The following CACNA1B variants were observed in gnomAD, a reference collection of about 807,000 sequenced individuals.
The protein encoded by CACNA1B is calcium voltage-gated channel subunit alpha1 B, also known as voltage-dependent N-type calcium channel subunit alpha-1B.
Under a neutral mutation model 247.2 loss-of-function variants are expected in CACNA1B, and 70 were observed. The ratio of observed to expected loss-of-function variants is 0.28; its 90% CI spans 0.23 to 0.35. The LOEUF (loss-of-function observed/expected upper bound fraction) is 0.35, where lower values mean the gene tolerates loss of function less well. Ranked by LOEUF, CACNA1B falls within the 10% of genes least tolerant of loss-of-function variation. The pLI is 1.00. For missense variants in CACNA1B, 2,367 were observed against 3,197.4 expected (o/e 0.74, Z 6.26); for synonymous variants, 1,231 against 1,294.4 (o/e 0.95, Z 1.05).
Position 138,052,245 on chromosome 9 carries a change from TGTGC to T in CACNA1B, c.3807+61_3807+64del, listed in dbSNP as rs1382907426. ...TGCTGTGTGTGTGTGCGTGTGTGTG[TGTGC>T]GTGTGTGTGTGTGTATGCATGCAGT... On this transcript the variant is annotated intron_variant, in intron 25 of 46. Transcript: ENST00000371372. This position sits in a 1 kb window ranked among gnomAD's most constrained non-coding sequence, Gnocchi z 5.1. 4 of 860,040 alleles carry T rather than the reference TGTGC, an allele frequency of 4.7e-6. No homozygotes were observed. Among genetic ancestry groups the T allele is most frequent in the African/African-American group, 2.0e-5 (1 of 50,204 alleles). The allele number at this position is 860,040 out of a possible 1,614,324, so 53.3% of individuals were successfully genotyped here.
intron 21 of CACNA1B, among the ~76,000 whole-genome samples, chr9:138,045,586 T>C (rs967109504): frequency 6.6e-6 from 1 of 152,190 alleles, no homozygotes; most frequent in Non-Finnish European, 1.5e-5. Flanking sequence ...AGACCAGCAG[T>C]GCTGCTGGGG....
intron 31 of CACNA1B, among the ~76,000 whole-genome samples, chr9:138,065,099 A>C (rs1444771238): frequency 5.3e-5 from 8 of 152,208 alleles, no homozygotes; most frequent in Admixed American, 3.9e-4. Flanking sequence ...GCAGCCTGTT[A>C]GCACCTGCTT....
chr9:138,102,919 C>A lies in CACNA1B; in HGVS notation c.5319+112C>A, dbSNP rs906307152. ...TTCAGGGTGCCCGGCTGTCTGTCTG[C>A]CGCTCTGCTGTGCGCCCCCGGCTGC... On this transcript the variant is annotated intron_variant, in intron 38 of 46. Coordinates refer to ENST00000371372, the MANE Select transcript of CACNA1B (RefSeq NM_000718.4). This position sits in a 1 kb window ranked among gnomAD's most constrained non-coding sequence, Gnocchi z 5.4. The A allele has an allele frequency of 2.0e-5, 13 of 652,930 alleles. No individual in the cohort carries two copies. Among genetic ancestry groups the A allele is most frequent in the Non-Finnish European group, 3.0e-5 (11 of 371,770 alleles). The allele number at this position is 652,930 out of a possible 1,614,324, so 40.4% of individuals were successfully genotyped here.
intron 31 of CACNA1B, among the ~76,000 whole-genome samples, chr9:138,060,016 G>C (rs532690298): frequency 5.8e-4 from 89 of 152,280 alleles, no homozygotes; most frequent in Middle Eastern, 3.4e-3. Context: ...AAGAAGATGT[G>C]AATCTTAAAT....
rs760320086 is a variant in CACNA1B, at chr9:138,121,493, C to G, written c.6514C>G (p.Pro2172Ala). The change falls in exon 47 of 47, where the codon CCC becomes GCC. Residue 2172 changes from proline (P) to alanine (A), a missense_variant. Coordinates refer to ENST00000371372, the MANE Select transcript of CACNA1B (RefSeq NM_000718.4). This position sits in a 1 kb window ranked among gnomAD's most constrained non-coding sequence, Gnocchi z 6.8. ...PQGSGSVNGS[P>A]LLSTSGASTP... The stretch of plus-strand genomic sequence containing the variant: ...GGGCAGTGGTTCCGTGAATGGGAGC[C>G]CCTTGCTGTCAACATCTGGTGCTAG... 1.9e-6 allele frequency: 3 copies of G among 1,540,328 alleles called. No homozygotes were observed. The highest frequency in any genetic ancestry group is 1.8e-6 in the Non-Finnish European group (2 of 1,142,118).
Position 137,957,450 on chromosome 9 carries a change from C to T in CACNA1B, c.1244-148C>T. The stretch of plus-strand genomic sequence containing the variant: ...GGGACTGGGAGGGACCCAAGGGGGC[C>T]CACAATCATCCGGCCTCAGCCCCAG... On this transcript the variant is annotated intron_variant, in intron 9 of 46. Coordinates refer to ENST00000371372, the MANE Select transcript of CACNA1B (RefSeq NM_000718.4). This position sits in a 1 kb window ranked among gnomAD's most constrained non-coding sequence, Gnocchi z 4.7. 3 of 469,902 alleles carry T rather than the reference C, an allele frequency of 6.4e-6. No homozygotes were observed. The highest frequency in any genetic ancestry group is 4.9e-5 in the South Asian group (1 of 20,556). The allele number at this position is 469,902 out of a possible 1,614,324, so 29.1% of individuals were successfully genotyped here.
intron 3 of CACNA1B, among the ~76,000 whole-genome samples, chr9:137,910,845 T>C (rs1428927467): frequency 6.6e-6 from 1 of 152,158 alleles, no homozygotes; most frequent in Non-Finnish European, 1.5e-5. Flanking sequence ...GGCCTGAGGG[T>C]TGGGGACCCT....
rs572108229 is a variant in CACNA1B, at chr9:138,055,046, C to T, written c.3968+1040C>T. Among the ~76,000 whole-genome samples, 46 of 152,156 alleles carry T rather than the reference C, an allele frequency of 3.0e-4. 1 individual carries two copies. Among genetic ancestry groups the T allele is most frequent in the African/African-American group, 8.0e-4 (33 of 41,498 alleles). On this transcript the variant is annotated intron_variant, in intron 26 of 46. Coordinates refer to ENST00000371372, the MANE Select transcript of CACNA1B (RefSeq NM_000718.4). ...GGAACCCTTTGTCATATGTATGGATCGCAGACGTCTTCTCCTCCTCTGAAT... is the reference window on the plus strand; with the variant it reads ...GGAACCCTTTGTCATATGTATGGATTGCAGACGTCTTCTCCTCCTCTGAAT...
chr9:138,022,672 T>A (rs962339700), intron 18 of CACNA1B, among the ~76,000 whole-genome samples: 1 of 152,016 alleles, frequency 6.6e-6, no homozygotes, highest in African/African-American at 2.4e-5. Flanking sequence ...GTGGCCTTCC[T>A]GGCCAGCCGC....
At chr9:138,087,359 TG>T (rs1339937457) in intron 36 of CACNA1B, among the ~76,000 whole-genome samples, 5 of 119,994 alleles carry the variant, frequency 4.2e-5, no homozygotes, top group Admixed American at 1.0e-4. Flanking sequence ...CACTCCAGTC[TG>T]GGTGACAGAG....
intron 15 of CACNA1B, among the ~76,000 whole-genome samples, chr9:137,991,429 G>A (rs549302799): frequency 1.3e-5 from 2 of 152,328 alleles, no homozygotes; most frequent in Non-Finnish European, 2.9e-5. Flanking sequence ...ACTAAGTTAA[G>A]TGTCCAAACC....
intron 20 of CACNA1B, among the ~76,000 whole-genome samples, chr9:138,043,158 G>A (rs1400785915): frequency 1.3e-5 from 2 of 152,182 alleles, no homozygotes; most frequent in Non-Finnish European, 2.9e-5. Flanking sequence ...GGGGTGTGGT[G>A]GGGTGCTGAG....
intron 15 of CACNA1B, among the ~76,000 whole-genome samples, chr9:137,998,817 A>G (rs1202174474): frequency 6.6e-6 from 1 of 152,242 alleles, no homozygotes; most frequent in African/African-American, 2.4e-5. Flanking sequence ...ATCTTATAAG[A>G]GATTTATAAC....
At chr9:137,901,561 G>A (rs528264271) in intron 3 of CACNA1B, among the ~76,000 whole-genome samples, 1 of 152,282 alleles carries the variant, frequency 6.6e-6, no homozygotes, top group African/African-American at 2.4e-5. Flanking sequence ...GATTGTCAGA[G>A]TGGACTGGGT....
rs185650044 is a variant in CACNA1B, at chr9:137,888,695, G to A, written c.530+5812G>A. Among the ~76,000 whole-genome samples, 208 of 152,348 alleles carry A rather than the reference G, an allele frequency of 1.4e-3. No individual in the cohort carries two copies. Among genetic ancestry groups the A allele is most frequent in the Non-Finnish European group, 2.1e-3 (145 of 68,028 alleles). ...AGAGAGGGTGTGTGGGTGTGTGGCCGCTGCACCAGGAGGGAGTCTGGTCAG... is the reference window on the plus strand; with the variant it reads ...AGAGAGGGTGTGTGGGTGTGTGGCCACTGCACCAGGAGGGAGTCTGGTCAG... On this transcript the variant is annotated intron_variant, in intron 3 of 46. Coordinates refer to ENST00000371372, the MANE Select transcript of CACNA1B (RefSeq NM_000718.4). The surrounding 1 kb of genome is among the most constrained non-coding windows in gnomAD (Gnocchi z 4.7).
In CACNA1B at chr9:138,023,631, G is replaced by T; in HGVS notation, c.2888G>T (p.Arg963Leu). The T allele has an allele frequency of 1.5e-6, 2 of 1,300,382 alleles. No individual in the cohort carries two copies. The highest frequency in any genetic ancestry group is 9.8e-7 in the Non-Finnish European group (1 of 1,018,144). 80.6% of individuals were successfully genotyped at this position (1,300,382 alleles called of 1,614,324 possible). A position where few individuals can be genotyped will look rare whatever the true frequency, so the allele number is the denominator to read the frequency against. Residue 963 changes from arginine (R) to leucine (L), a missense_variant, in exon 19 of 47, where the codon CGA (arginine) becomes CTA (leucine). Arg to Leu is a moderately radical substitution (Grantham distance 102, BLOSUM62 -2). Transcript: ENST00000371372. ...ERRARHRGGP[R>L]AGPREAESGE... Reference sequence around the variant, plus strand: ...CGCGCGCGGCACCGCGGCGGCCCCCGAGCGGGGCCCCGGGAGGCGGAGAGC... The same window carrying T: ...CGCGCGCGGCACCGCGGCGGCCCCCTAGCGGGGCCCCGGGAGGCGGAGAGC...
Position 137,954,048 on chromosome 9 carries a change from G to T in CACNA1B, c.1071-1650G>T, listed in dbSNP as rs1343694113. On this transcript the variant is annotated intron_variant, in intron 7 of 46. Transcript: ENST00000371372. This position sits in a 1 kb window ranked among gnomAD's most constrained non-coding sequence, Gnocchi z 4.1. The stretch of plus-strand genomic sequence containing the variant: ...GGGCTGGAGGGGAGGCCCAAGGCAG[G>T]GCCTGCACGGTATTTCCCACTCCTT... Among the ~76,000 whole-genome samples the T allele has an allele frequency of 6.6e-6, 1 of 152,174 alleles. No individual in the cohort carries two copies. Among genetic ancestry groups the T allele is most frequent in the Non-Finnish European group, 1.5e-5 (1 of 68,014 alleles).
intron 6 of CACNA1B, among the ~76,000 whole-genome samples, chr9:137,944,622 T>C (rs952901276): frequency 1.3e-5 from 2 of 152,158 alleles, no homozygotes; most frequent in Admixed American, 6.5e-5. Flanking sequence ...CCCTGAGAGA[T>C]CAAAGGCTAA....
rs199817628 is a variant in CACNA1B at position 137,917,251 on chromosome 9, C to T, written c.786C>T (p.Pro262=). 1.0e-4 allele frequency: 169 copies of T among 1,612,658 alleles called. No homozygotes were observed. The highest frequency in any genetic ancestry group is 4.3e-4 in the Admixed American group (26 of 59,824). ...ACFPNSTDAE[P]VGDFPCGKEA... is the part of the protein sequence containing the mutation. ...TTCTCCTTCTTGCAGATGCGGAGCC[C>T]GTGGGTGACTTCCCCTGTGGCAAGG... The change falls in exon 6 of 47, where the codon CCC becomes CCT. Residue 262 remains proline (P), a synonymous_variant. Transcript: ENST00000371372. The surrounding 1 kb of genome is among the most constrained non-coding windows in gnomAD (Gnocchi z 5.5).
Sources: gnomAD v4.1 joint callset for allele counts (sites outside exome capture counted in the v4.1 genomes callset) on GRCh38, gnomAD v4.1.1 for gene constraint, Gnocchi (gnomAD v3.1) non-coding constraint, MANE v1.5 for transcripts, NCBI Gene and HGNC (gene_info 2026-07-23, HGNC 2026-07-21) for gene names.